The following TTN variants were observed in gnomAD, a reference collection of about 807,000 sequenced individuals.
TTN encodes connectin.
TTN carries 1,525 observed loss-of-function variants against 3,223.0 expected under a neutral mutation model. The observed-to-expected ratio is 0.47, with a 90% CI of 0.45 to 0.49. The LOEUF is 0.49. TTN is among the 20% of genes least tolerant of loss of function. TTN has a pLI of 0.00. For missense variants in TTN, 40,786 were observed against 43,424.0 expected, an observed-to-expected ratio of 0.94 and a Z score of 5.40; for synonymous variants, 14,094 against 15,161.0, an observed-to-expected ratio of 0.93 and a Z score of 5.17.
At position 178,663,629 on chromosome 2, in the gene TTN, T is replaced by C. The variant is rs2154258804; in HGVS notation, c.36530A>G (p.Lys12177Arg). 6.2e-7 allele frequency: 1 copy of C among 1,613,704 alleles called. No homozygotes were observed. The highest frequency in any genetic ancestry group is 2.2e-5 in the East Asian group (1 of 44,862). Residue 12177 changes from lysine (K) to arginine (R), a missense_variant and splice_region_variant, in exon 171 of 363, where the codon AAA becomes AGA. Physicochemically the swap from Lys to Arg is conservative, Grantham distance 26. Coordinates refer to ENST00000589042, the MANE Select transcript of TTN (RefSeq NM_001267550.2). ...AGCCTAAAATCAGTGACAAATACCT[T>C]TAACAGGTGGGACTTCAGGCTCTTT... ...PPKEPEVPPV[K>R]VPEAPKEVVP...
At chr2:178,702,291 A>C in intron 107 of TTN, 46 bp from the exon 108 acceptor site, 1 of 1,612,534 alleles carries the variant, frequency 6.2e-7, no homozygotes, top group African/African-American at 1.3e-5. Flanking sequence ...TATGTTGCAA[A>C]TAACACTTCT....
chr2:178,571,359 T>C lies in TTN; in HGVS notation c.74773A>G (p.Met24925Val). ...ATTGGCTCATTCCATTGTACTTCCA[T>C]GCTGTCCCTGGAGGACAGTGTGACA... ...PVVTLSSRDS[M>V]EVQWNEPISD... The change falls in exon 326 of 363, where the codon ATG becomes GTG. Residue 24925 changes from methionine (M) to valine (V), a missense_variant. Physicochemically the swap from Met to Val is conservative, Grantham distance 21 (BLOSUM62 1). Transcript: ENST00000589042. 1 of 1,613,412 alleles carries C rather than the reference T, an allele frequency of 6.2e-7. No homozygotes were observed. Among genetic ancestry groups the C allele is most frequent in the South Asian group, 1.1e-5 (1 of 91,068 alleles).
At chr2:178,597,408 G>C in intron 294 of TTN, 130 bp downstream of exon 294, 1 of 1,108,262 alleles carries the variant, frequency 9.0e-7, no homozygotes. Flanking sequence ...TTCTAATAAT[G>C]TTCAACATGA....
At chr2:178,786,347 A>T (rs1174685590) in intron 13 of TTN, among the ~76,000 whole-genome samples, 1 of 152,194 alleles carries the variant, frequency 6.6e-6, no homozygotes, top group East Asian at 1.9e-4. Flanking sequence ...CTGTACACCT[A>T]CTTAATTATA....
At position 178,567,087 on chromosome 2, in the gene TTN, T is replaced by C; in HGVS notation, c.79045A>G (p.Thr26349Ala). 1.9e-6 allele frequency: 3 copies of C among 1,613,576 alleles called. No homozygotes were observed. The highest frequency in any genetic ancestry group is 1.7e-6 in the Non-Finnish European group (2 of 1,179,618). ...TATTCATTACCTTCTAAGAGTTTGG[T>C]AACTTTCAGAGAATTGGTCACAACT... The part of the protein sequence containing the change: ...SEVVTNSLKV[T>A]KLLEGNEYVF... Residue 26349 changes from threonine to alanine, a missense_variant, in exon 326 of 363, where the codon ACC becomes GCC. Coordinates refer to ENST00000589042, the MANE Select transcript of TTN (RefSeq NM_001267550.2).
rs1340062320 is a variant in TTN at position 178,704,686 on chromosome 2, T to C, written c.29786A>G (p.Glu9929Gly). The change falls in exon 105 of 363, where the codon GAA becomes GGA. Residue 9929 changes from glutamate to glycine, a missense_variant. Physicochemically the swap from Glu to Gly is moderately conservative, Grantham distance 98 (BLOSUM62 -2). Transcript: ENST00000589042. The part of the protein sequence containing the change: ...FEIDIKINYP[E>G]IKLSWYKGTE... ...TCCTTTGTACCACGAAAGCTTGATT[T>C]CTGGATAATTAATTTTAATGTCAAT... 8 of 1,611,746 alleles carry C rather than the reference T, an allele frequency of 5.0e-6. No individual in the cohort carries two copies. The highest frequency in any genetic ancestry group is 6.8e-6 in the Non-Finnish European group (8 of 1,178,950).
In TTN at chr2:178,753,124, C is replaced by A; in HGVS notation, c.11311G>T (p.Glu3771Ter). The change falls in exon 47 of 363, where the codon GAG becomes TAG. Residue 3771 changes from glutamate (E) to a stop codon, truncating the protein, a stop_gained and splice_region_variant. Transcript: ENST00000589042. LOFTEE classifies it high-confidence loss of function. Reference protein sequence around the residue: ...IEQEIEMEMKEFSSSFLSAEE... With the variant: ...IEQEIEMEMK The stretch of plus-strand genomic sequence containing the variant: ...AATCTCACATCCATTATAACAATAC[C>A]TTTCATTTCCATCTCAATCTCTTGT... 1 of 1,608,098 alleles carries A rather than the reference C, an allele frequency of 6.2e-7. No individual in the cohort carries two copies. Among genetic ancestry groups the A allele is most frequent in the Non-Finnish European group, 8.5e-7 (1 of 1,176,462 alleles).
At chr2:178,764,345 TAGAGACCTCAC>T (rs1561160765) in intron 42 of TTN, 43 bp from the exon 43 acceptor site, 1 of 1,613,138 alleles carries the variant, frequency 6.2e-7, no homozygotes, top group East Asian at 2.2e-5. Context: ...TAAGTCACCA[TAGAGACCTCAC>T]AGAAGGGAGC....
Position 178,692,010 on chromosome 2 carries a change from G to T in TTN, c.31762+6C>A, listed in dbSNP as rs554057582. 1 of 1,609,800 alleles carries T rather than the reference G, an allele frequency of 6.2e-7. No homozygotes were observed. The highest frequency in any genetic ancestry group is 1.3e-5 in the African/African-American group (1 of 74,798). On this transcript the variant is annotated splice_donor_region_variant and intron_variant, in intron 121 of 362. Transcript: ENST00000589042. ...AAGAGTCTCCCCATCATTGGCTCTGGCGTACCTTTTGGGGGAGCAGCAGGT... is the reference window on the plus strand; with the variant it reads ...AAGAGTCTCCCCATCATTGGCTCTGTCGTACCTTTTGGGGGAGCAGCAGGT...
At position 178,601,166 on chromosome 2, in the gene TTN, G is replaced by A. The variant is rs528329600; in HGVS notation, c.55738C>T (p.Pro18580Ser). The A allele has an allele frequency of 6.9e-5, 105 of 1,528,142 alleles. 1 individual carries two copies. The South Asian group carries it at 1.3e-3, about 19-fold the overall frequency. 94.7% of individuals were successfully genotyped at this position (1,528,142 alleles called of 1,614,324 possible). ...RTTARDPIYP[P>S]DPPIKLKIGL... Reference sequence around the variant, plus strand: ...ATCTTGAGTTTAATAGGAGGATCAGGAGGATCTGTAAAAATAATTAAAGGA... The same window carrying A: ...ATCTTGAGTTTAATAGGAGGATCAGAAGGATCTGTAAAAATAATTAAAGGA... The change falls in exon 288 of 363, where the codon CCT becomes TCT. Residue 18580 changes from proline (P) to serine (S), a missense_variant. Pro to Ser is a moderately conservative substitution (Grantham distance 74). Transcript: ENST00000589042.
In TTN at chr2:178,574,099, T is replaced by C. The variant is rs72646894; in HGVS notation, c.72033A>G (p.Pro24011=). 1.4e-3 allele frequency: 2,336 copies of C among 1,613,610 alleles called. 30 individuals are homozygous for C. In the African/African-American group the frequency reaches 0.027, roughly 19 times the overall value. Residue 24011 remains proline, a synonymous_variant, in exon 326 of 363, where the codon CCA becomes CCG. Transcript: ENST00000589042. ...AAGTGATAGCATCAGATGGCTCAGA[T>C]GGTGGACTGATGGCACCTGCAGCAT... ...AKNAAGAISP[P]SEPSDAITCR...
rs1304736945 is a variant in TTN at position 178,679,666 on chromosome 2, C to T, written c.33597G>A (p.Arg11199=). 1.2e-6 allele frequency: 2 copies of T among 1,609,928 alleles called. No individual in the cohort carries two copies. The highest frequency in any genetic ancestry group is 1.3e-5 in the African/African-American group (1 of 74,602). ...GTTTCTTCTCTTCTGGAACAGGTTT[C>T]CTGGGTACCTCAGGCACTTTAAAGA... The part of the protein sequence containing the change: ...VIPVKVPEVP[R]KPVPEEKKPV... Residue 11199 remains arginine, a synonymous_variant, in exon 141 of 363, where the codon AGG becomes AGA. Coordinates refer to ENST00000589042, the MANE Select transcript of TTN (RefSeq NM_001267550.2).
intron 281 of TTN, 148 bp downstream of exon 281, chr2:178,604,560 T>C: frequency 1.1e-6 from 1 of 898,174 alleles, no homozygotes; most frequent in Non-Finnish European, 1.6e-6. Flanking sequence ...GCCTTATGTG[T>C]GTGGGGCTAA....
intron 12 of TTN, 82 bp from the exon 13 acceptor site, chr2:178,789,579 G>T (rs2093379727): frequency 6.4e-7 from 1 of 1,567,712 alleles, no homozygotes; most frequent in Non-Finnish European, 8.7e-7. Flanking sequence ...TTCCTCATGG[G>T]GATGCAAGAT....
At chr2:178,673,246 A>G (rs1462755914) in intron 152 of TTN, among the ~76,000 whole-genome samples, 11 of 151,870 alleles carry the variant, frequency 7.2e-5, no homozygotes. Flanking sequence ...GTTATTATCC[A>G]AGCATTAGGT....
In TTN at chr2:178,616,620, A is replaced by T. The variant is rs1390554226; in HGVS notation, c.48171T>A (p.Ser16057Arg). The stretch of plus-strand genomic sequence containing the variant: ...CACCAAATTTCAATTCTTTGGGTGC[A>T]CTTGGGCGAGCTGAAAAAAAATGCA... ...EIDVNVIARP[S>R]APKELKFGDI... The change falls in exon 257 of 363, where the codon AGT becomes AGA. Residue 16057 changes from serine to arginine, a missense_variant. Transcript: ENST00000589042. 1.2e-6 allele frequency: 2 copies of T among 1,612,050 alleles called. No homozygotes were observed. The highest frequency in any genetic ancestry group is 1.3e-5 in the African/African-American group (1 of 74,774).
rs745853400 is a variant in TTN, at chr2:178,764,272, A to G, written c.10019T>C (p.Met3340Thr). ...VPEVVSPDQEMPVYPPAIITP... is the reference protein window; with the variant it reads ...VPEVVSPDQETPVYPPAIITP... ...GATGATGGCAGGTGGATAAACAGGCATTTCCTGATCAGGAGACACAACTTC... is the reference window on the plus strand; with the variant it reads ...GATGATGGCAGGTGGATAAACAGGCGTTTCCTGATCAGGAGACACAACTTC... Residue 3340 changes from methionine to threonine, a missense_variant, in exon 43 of 363, where the codon ATG (methionine) becomes ACG (threonine). Met to Thr is a moderately conservative substitution (Grantham distance 81). Coordinates refer to ENST00000589042, the MANE Select transcript of TTN (RefSeq NM_001267550.2). 1 of 1,614,084 alleles carries G rather than the reference A, an allele frequency of 6.2e-7. No homozygotes were observed. Among genetic ancestry groups the G allele is most frequent in the Non-Finnish European group, 8.5e-7 (1 of 1,179,992 alleles).
rs570762307 is a variant in TTN, at chr2:178,730,565, T to C, written c.17968A>G (p.Thr5990Ala). Reference sequence around the variant, plus strand: ...CCTGCCTTATTTGTGGCAGAACAAGTGTATGTCCCACTGTCTGTACCTTCC... The same window carrying C: ...CCTGCCTTATTTGTGGCAGAACAAGCGTATGTCCCACTGTCTGTACCTTCC... ...QLEGTDSGTYTCSATNKAGHN... is the reference protein window; with the variant it reads ...QLEGTDSGTYACSATNKAGHN... The change falls in exon 61 of 363, where the codon ACT (threonine) becomes GCT (alanine). Residue 5990 changes from threonine to alanine, a missense_variant. Physicochemically the swap from Thr to Ala is moderately conservative, Grantham distance 58. Transcript: ENST00000589042. The C allele has an allele frequency of 5.6e-6, 9 of 1,613,632 alleles. No homozygotes were observed. The highest frequency in any genetic ancestry group is 2.2e-5 in the South Asian group (2 of 91,074).
At chr2:178,736,892 G>A (rs1467745152) in intron 49 of TTN, among the ~76,000 whole-genome samples, 1 of 152,154 alleles carries the variant, frequency 6.6e-6, no homozygotes, top group East Asian at 1.9e-4. Flanking sequence ...TAGAGAAGAG[G>A]AAGCTATAGG....
Sources: allele counts gnomAD v4.1 joint callset (sites outside exome capture counted in the v4.1 genomes callset), GRCh38; gene constraint gnomAD v4.1.1; transcripts MANE v1.5; gene names NCBI Gene and HGNC (gene_info 2026-07-23, HGNC 2026-07-21).